CDH20: variants seen among roughly 807,000 people sequenced by gnomAD.
CDH20 encodes the protein cadherin 20.
In CDH20, 29 loss-of-function variants were observed where a neutral mutation model predicts 74.2. That is an observed-to-expected ratio of 0.39 (90% CI 0.29 to 0.53). The LOEUF (loss-of-function observed/expected upper bound fraction) is 0.53. Ranked by LOEUF, CDH20 falls within the 20% of genes least tolerant of loss-of-function variation. The probability of loss-of-function intolerance (pLI) is 0.69; values close to 1 mark genes in which losing one functional copy is unlikely to be tolerated. For missense variants in CDH20, 988 were observed against 1,048.3 expected (o/e 0.94, Z 0.79); for synonymous variants, 469 against 405.4 (o/e 1.16, Z -1.88).
intron 1 of CDH20, among the ~76,000 whole-genome samples, chr18:61,460,506 A>C (rs751178287): frequency 1.7e-4 from 26 of 152,206 alleles, no homozygotes; most frequent in Non-Finnish European, 2.9e-4. Flanking sequence ...GCAATAGCAT[A>C]AACAGGCAAC....
chr18:61,484,073 T>C (rs1377649011), intron 1 of CDH20, among the ~76,000 whole-genome samples: 3 of 152,248 alleles, frequency 2.0e-5, no homozygotes, highest in Admixed American at 2.0e-4. Context: ...TAAAATGCTG[T>C]ACAAAGGCAA....
chr18:61,394,720 A>G (rs905130999), intron 1 of CDH20, among the ~76,000 whole-genome samples: 5 of 152,054 alleles, frequency 3.3e-5, no homozygotes, highest in Non-Finnish European at 7.4e-5. Context: ...TGCTGCCTCA[A>G]TAGAGGTACA....
intron 1 of CDH20, among the ~76,000 whole-genome samples, chr18:61,411,023 A>G (rs1006570040): frequency 6.6e-6 from 1 of 151,500 alleles, no homozygotes; most frequent in Non-Finnish European, 1.5e-5. Context: ...ACACGGTGAA[A>G]CCCCATCTCT....
chr18:61,475,756 A>G (rs898318853), intron 1 of CDH20, among the ~76,000 whole-genome samples: 1 of 152,218 alleles, frequency 6.6e-6, no homozygotes, highest in African/African-American at 2.4e-5. Context: ...AACCATCAGG[A>G]TGTTTTCTCT....
intron 1 of CDH20, among the ~76,000 whole-genome samples, chr18:61,478,777 G>A (rs1194386941): frequency 6.6e-6 from 1 of 152,060 alleles, no homozygotes; most frequent in Non-Finnish European, 1.5e-5. Context: ...TGGCAATAAA[G>A]AACGGGGGAA....
intron 1 of CDH20, among the ~76,000 whole-genome samples, chr18:61,350,125 C>G (rs1414533057): frequency 6.6e-6 from 1 of 151,972 alleles, no homozygotes; most frequent in Non-Finnish European, 1.5e-5. Context: ...CCCACTAGGT[C>G]CCCTCTCTCC....
intron 6 of CDH20, among the ~76,000 whole-genome samples, chr18:61,527,345 C>T (rs1281494721): frequency 1.3e-5 from 1 of 77,268 alleles, no homozygotes; most frequent in African/African-American, 3.8e-5. Flanking sequence ...AAAGCCTAGG[C>T]CTCAGTTGCA....
intron 1 of CDH20, 59 bp downstream of exon 1, chr18:61,333,886 G>A (rs1568098180): frequency 6.6e-6 from 1 of 152,274 alleles, no homozygotes; most frequent in African/African-American, 2.4e-5. Flanking sequence ...CGGGCGCGCG[G>A]AGCCAGCCCT....
intron 1 of CDH20, among the ~76,000 whole-genome samples, chr18:61,458,570 G>C (rs1297497515): frequency 6.6e-6 from 1 of 152,194 alleles, no homozygotes; most frequent in African/African-American, 2.4e-5. Context: ...GGCAGCAATA[G>C]AGCCTCCCTC....
intron 1 of CDH20, among the ~76,000 whole-genome samples, chr18:61,373,898 G>A (rs1483044422): frequency 1.3e-5 from 2 of 152,112 alleles, no homozygotes; most frequent in African/African-American, 4.8e-5. Context: ...AAAGACAAGG[G>A]ACTGAGTTGG....
At chr18:61,470,330 G>C (rs1018629004) in intron 1 of CDH20, among the ~76,000 whole-genome samples, 1 of 152,192 alleles carries the variant, frequency 6.6e-6, no homozygotes, top group Admixed American at 6.6e-5. Context: ...TATTGTTAAT[G>C]GTCAAAACTG....
At chr18:61,397,871 G>C (rs1037197470) in intron 1 of CDH20, among the ~76,000 whole-genome samples, 3 of 152,182 alleles carry the variant, frequency 2.0e-5, no homozygotes, top group African/African-American at 7.2e-5. Flanking sequence ...ACTATAAAGT[G>C]TTTATTAAAA....
chr18:61,543,231 A>G (rs1165606188), intron 9 of CDH20, among the ~76,000 whole-genome samples: 3 of 152,110 alleles, frequency 2.0e-5, no homozygotes, highest in African/African-American at 7.2e-5. Context: ...CCCCTAATTT[A>G]CAGATGAAGA....
intron 1 of CDH20, among the ~76,000 whole-genome samples, chr18:61,374,945 G>A (rs1911167757): frequency 6.6e-6 from 1 of 152,136 alleles, no homozygotes; most frequent in Non-Finnish European, 1.5e-5. Context: ...TATTGTGGGT[G>A]TTTATAAGGA....
intron 1 of CDH20, among the ~76,000 whole-genome samples, chr18:61,432,893 T>G (rs1297558469): frequency 6.6e-6 from 1 of 152,220 alleles, no homozygotes; most frequent in African/African-American, 2.4e-5. Flanking sequence ...TCCCCTTTAT[T>G]TATTATGCAA....
chr18:61,413,502 A>G (rs1912580617), intron 1 of CDH20, among the ~76,000 whole-genome samples: 1 of 152,172 alleles, frequency 6.6e-6, no homozygotes, highest in South Asian at 2.1e-4. Flanking sequence ...GTGGCCATGC[A>G]TAAAAACTCC....
chr18:61,511,831 A>G (rs1911793433), intron 6 of CDH20, among the ~76,000 whole-genome samples: 1 of 152,344 alleles, frequency 6.6e-6, no homozygotes, highest in East Asian at 1.9e-4. Flanking sequence ...ATCAAAATAC[A>G]TATCAATTTT....
At chr18:61,335,930 G>A (rs1034439115) in intron 1 of CDH20, among the ~76,000 whole-genome samples, 7 of 152,270 alleles carry the variant, frequency 4.6e-5, no homozygotes, top group African/African-American at 7.2e-5. Context: ...ATTATCTTTC[G>A]TTTGGGGAGA....
intron 1 of CDH20, among the ~76,000 whole-genome samples, chr18:61,351,381 C>T (rs565694763): frequency 6.6e-6 from 1 of 152,250 alleles, no homozygotes; most frequent in Non-Finnish European, 1.5e-5. Context: ...CATGCTCTTG[C>T]CTCTCCCTGA....
Sources: gnomAD v4.1 joint callset for allele counts (sites outside exome capture counted in the v4.1 genomes callset) on GRCh38, gnomAD v4.1.1 for gene constraint, MANE v1.5 for transcripts, NCBI Gene and HGNC (gene_info 2026-07-23, HGNC 2026-07-21) for gene names.